The following FBN2 variants were observed in gnomAD, a reference collection of about 807,000 sequenced individuals.
FBN2 encodes the protein fibrillin 2.
Under a neutral mutation model 355.6 loss-of-function variants are expected in FBN2, and 105 were observed. The ratio of observed to expected loss-of-function variants is 0.30; its 90% CI spans 0.25 to 0.35. The LOEUF (loss-of-function observed/expected upper bound fraction) is 0.35. Among genes scored for constraint, FBN2 ranks in the 10% least tolerant of loss-of-function variants. The pLI, the probability that FBN2 is intolerant of heterozygous loss-of-function variation, is 1.00. For missense variants in FBN2, 3,280 were observed against 3,758.7 expected (o/e 0.87, Z 3.33); for synonymous variants, 1,350 against 1,301.2 (o/e 1.04, Z -0.81).
intron 5 of FBN2, among the ~76,000 whole-genome samples, chr5:128,486,776 C>T (rs1465332637): frequency 6.6e-6 from 1 of 152,132 alleles, no homozygotes; most frequent in South Asian, 2.1e-4. Context: ...TCCCCCATCC[C>T]CCCACCTCAT....
chr5:128,455,990 CAAAAAAAA>C (rs70997371), intron 6 of FBN2, among the ~76,000 whole-genome samples: 38 of 25,274 alleles, frequency 1.5e-3, no homozygotes, highest in East Asian at 8.4e-3. Flanking sequence ...GGGTTAGCAA[CAAAAAAAA>C]AAAAAAAAAA....
chr5:128,295,620 T>C (rs1328744073), intron 48 of FBN2, among the ~76,000 whole-genome samples: 2 of 122,470 alleles, frequency 1.6e-5, no homozygotes, highest in Non-Finnish European at 3.3e-5. Context: ...AGTTCACTCA[T>C]GATTTGGCTC....
rs1750269153 is a variant in FBN2 at position 128,318,346 on chromosome 5, G to A, written c.4595-75C>T. ...GCATACTGCTGTTCCAAAGAATTTG[G>A]TGGAATTTTTGCAAGTGAGTAGATT... On this transcript the variant is annotated intron_variant, in intron 35 of 64. Coordinates refer to ENST00000262464, the MANE Select transcript of FBN2 (RefSeq NM_001999.4). The A allele has an allele frequency of 2.6e-6, 4 of 1,535,118 alleles. No homozygotes were observed. In the Admixed American group the frequency reaches 6.7e-5, roughly 26 times the overall value.
rs575031097 is a variant in FBN2, at chr5:128,514,790, C to T, written c.628+4483G>A. Among the ~76,000 whole-genome samples, 11 of 152,246 alleles carry T rather than the reference C, an allele frequency of 7.2e-5. No homozygotes were observed. In the South Asian group the frequency reaches 2.1e-3, roughly 29 times the overall value. On this transcript the variant is annotated intron_variant, in intron 5 of 64. Coordinates refer to ENST00000262464, the MANE Select transcript of FBN2 (RefSeq NM_001999.4). The stretch of plus-strand genomic sequence containing the variant: ...TAGGAATTATGAGTAATTAGATTCT[C>T]GTCTTTCATCTTGTTTTATTTCTAA...
At position 128,374,697 on chromosome 5, in the gene FBN2, T is replaced by C. The variant is rs1174193819; in HGVS notation, c.2026A>G (p.Ser676Gly). The change falls in exon 15 of 65, where the codon AGT (serine) becomes GGT (glycine). Residue 676 changes from serine to glycine, a missense_variant. Ser to Gly is a moderately conservative substitution (Grantham distance 56, BLOSUM62 0). Coordinates refer to ENST00000262464, the MANE Select transcript of FBN2 (RefSeq NM_001999.4). ...CAGTCACAGCGGAAGGACCCTTCAC[T>C]GTTGATGCAGTGCCCATTCATGCAG... Reference protein sequence around the residue: ...GICMNGHCINSEGSFRCDCPP... With the variant: ...GICMNGHCINGEGSFRCDCPP... 1 of 1,613,900 alleles carries C rather than the reference T, an allele frequency of 6.2e-7. No individual in the cohort carries two copies. Among genetic ancestry groups the C allele is most frequent in the Non-Finnish European group, 8.5e-7 (1 of 1,179,938 alleles).
At chr5:128,488,904 T>G (rs1755422093) in intron 5 of FBN2, among the ~76,000 whole-genome samples, 1 of 152,092 alleles carries the variant, frequency 6.6e-6, no homozygotes, top group African/African-American at 2.4e-5. Context: ...CTATCATTGT[T>G]GGACATTTGG....
chr5:128,400,260 CAAAT>C (rs922933148), intron 8 of FBN2, among the ~76,000 whole-genome samples: 12 of 150,404 alleles, frequency 8.0e-5, no homozygotes, highest in African/African-American at 2.9e-4. Flanking sequence ...AAATAGACCA[CAAAT>C]AAAGAAAAAA....
intron 5 of FBN2, among the ~76,000 whole-genome samples, chr5:128,485,253 G>A (rs181534686): frequency 1.4e-4 from 21 of 152,146 alleles, no homozygotes; most frequent in African/African-American, 5.1e-4. Context: ...CAACTCCTGG[G>A]CTCAAGCAAT....
intron 6 of FBN2, among the ~76,000 whole-genome samples, chr5:128,451,797 A>G (rs1281264144): frequency 2.0e-5 from 3 of 152,232 alleles, no homozygotes; most frequent in Non-Finnish European, 1.5e-5. Flanking sequence ...AAATCAGAGA[A>G]AAAATATGGT....
chr5:128,524,935 T>A (rs1169862811), intron 4 of FBN2, among the ~76,000 whole-genome samples: 4 of 152,128 alleles, frequency 2.6e-5, no homozygotes, highest in Admixed American at 1.3e-4. Context: ...GAAAATGTGG[T>A]AACATCAATA....
At chr5:128,433,031 C>A (rs948334072) in intron 7 of FBN2, among the ~76,000 whole-genome samples, 5 of 152,118 alleles carry the variant, frequency 3.3e-5, no homozygotes, top group African/African-American at 1.2e-4. Context: ...GGGGAAACCA[C>A]CCCCTGATCC....
intron 14 of FBN2, among the ~76,000 whole-genome samples, chr5:128,376,462 A>T (rs189743925): frequency 6.6e-6 from 1 of 152,296 alleles, no homozygotes; most frequent in Admixed American, 6.5e-5. Context: ...AATTATTTCT[A>T]CGTTGTTTTC....
At chr5:128,419,009 CTTAAT>C (rs906848809) in intron 7 of FBN2, among the ~76,000 whole-genome samples, 3 of 152,140 alleles carry the variant, frequency 2.0e-5, no homozygotes, top group African/African-American at 7.2e-5. Flanking sequence ...TTAGATCATT[CTTAAT>C]TTAACAAGGC....
rs1237327467 is a variant in FBN2 at position 128,301,422 on chromosome 5, G to A, written c.6006C>T (p.Asn2002=). 5.0e-6 allele frequency: 8 copies of A among 1,613,086 alleles called. No individual in the cohort carries two copies. The highest frequency in any genetic ancestry group is 1.7e-4 in the Middle Eastern group (1 of 6,056). The change falls in exon 47 of 65, where the codon AAC becomes AAT. Residue 2002 remains asparagine, a synonymous_variant. Coordinates refer to ENST00000262464, the MANE Select transcript of FBN2 (RefSeq NM_001999.4). The stretch of plus-strand genomic sequence containing the variant: ...CATCTGGGGTAAGTTCATAACCTTC[G>A]TTACATAGACACTTGAAAGAACCAA... The part of the protein sequence containing the change: ...NEIGSFKCLC[N]EGYELTPDGK...
At chr5:128,368,399 CAT>C (rs1010315791) in intron 16 of FBN2, among the ~76,000 whole-genome samples, 2 of 138,190 alleles carry the variant, frequency 1.4e-5, no homozygotes, top group African/African-American at 5.2e-5. Flanking sequence ...GAGAGATCTT[CAT>C]ATATATGTGT....
chr5:128,338,971 C>G lies in FBN2; in HGVS notation c.3434G>C (p.Gly1145Ala). 6.2e-7 allele frequency: 1 copy of G among 1,614,100 alleles called. No homozygotes were observed. Among genetic ancestry groups the G allele is most frequent in the Non-Finnish European group, 8.5e-7 (1 of 1,179,974 alleles). ...CATCATCATGAAGCCACTTTCATAG[C>G]CTTCGAAGCACTCGCACTCAAAGCT... is the stretch of plus-strand genomic sequence containing the variant. Reference protein sequence around the residue: ...PGSFECECFEGYESGFMMMKN... With the variant: ...PGSFECECFEAYESGFMMMKN... Residue 1145 changes from glycine to alanine, a missense_variant, in exon 26 of 65, where the codon GGC becomes GCC. Transcript: ENST00000262464.
chr5:128,401,473 G>A (rs1752796471), intron 8 of FBN2, among the ~76,000 whole-genome samples: 1 of 152,040 alleles, frequency 6.6e-6, no homozygotes, highest in African/African-American at 2.4e-5. Context: ...GTTAAAGAGA[G>A]GTCTTTAAAT....
Position 128,364,607 on chromosome 5 carries a change from G to T in FBN2, c.2421C>A (p.Asn807Lys). Residue 807 changes from asparagine to lysine, a missense_variant, in exon 18 of 65, where the codon AAC becomes AAA. Physicochemically the swap from Asn to Lys is moderately conservative, Grantham distance 94. This residue lies in a region of FBN2 where 2,284 missense variants were observed against 2,749.5 expected (regional missense o/e 0.83). Transcript: ENST00000262464. ...ATATAACAAATAACTTACCAATACA[G>T]TTTCTTCCAGAGGCATCTGGTTCAT... is the stretch of plus-strand genomic sequence containing the variant. ...SGYEPDASGR[N>K]CIDIDECLVN... 6.2e-7 allele frequency: 1 copy of T among 1,613,416 alleles called. No homozygotes were observed. Among genetic ancestry groups the T allele is most frequent in the African/African-American group, 1.3e-5 (1 of 75,002 alleles).
At chr5:128,336,733 C>T (rs1380739368) in intron 27 of FBN2, among the ~76,000 whole-genome samples, 1 of 152,156 alleles carries the variant, frequency 6.6e-6, no homozygotes, top group Non-Finnish European at 1.5e-5. Context: ...AAACTAACCC[C>T]TATAATATGG....
Sources: allele counts gnomAD v4.1 joint callset (sites outside exome capture counted in the v4.1 genomes callset), GRCh38; gene constraint gnomAD v4.1.1; regional missense constraint gnomAD v4.1.1; transcripts MANE v1.5; gene names NCBI Gene and HGNC (gene_info 2026-07-23, HGNC 2026-07-21).